The following ZNF708 variants were observed in gnomAD, a reference collection of about 807,000 sequenced individuals.
ZNF708 encodes the protein zinc finger protein 708.
ZNF708 carries 44 observed loss-of-function variants against 47.0 expected under a neutral mutation model. The observed-to-expected ratio is 0.94, with a 90% CI of 0.74 to 1.20. The LOEUF is 1.20. ZNF708 is among the 50% of genes most tolerant of loss of function. The pLI is 0.00. For synonymous variants in ZNF708, 184 were observed against 218.5 expected, an observed-to-expected ratio of 0.84 and a Z score of 1.39; for missense variants, 557 against 656.0, an observed-to-expected ratio of 0.85 and a Z score of 1.65.
chr19:21,323,834 C>A (rs1242550647), intron 1 of ZNF708, among the ~76,000 whole-genome samples: 2 of 152,180 alleles, frequency 1.3e-5, no homozygotes, highest in Non-Finnish European at 2.9e-5. Flanking sequence ...CCAGAAAAAA[C>A]TAACTGGGCC....
chr19:21,324,216 C>T (rs1973211944), intron 1 of ZNF708, among the ~76,000 whole-genome samples: 1 of 151,724 alleles, frequency 6.6e-6, no homozygotes, highest in African/African-American at 2.4e-5. Flanking sequence ...TGCACTCCAG[C>T]CTGGCTACAG....
intron 3 of ZNF708, among the ~76,000 whole-genome samples, chr19:21,304,264 T>G (rs1425071813): frequency 2.0e-5 from 3 of 151,888 alleles, no homozygotes; most frequent in Middle Eastern, 3.2e-3. Context: ...CCAGGTTTTT[T>G]TTTTTTTTTT....
At chr19:21,315,636 T>C (rs985720939) in intron 1 of ZNF708, among the ~76,000 whole-genome samples, 1 of 152,004 alleles carries the variant, frequency 6.6e-6, no homozygotes, top group Non-Finnish European at 1.5e-5. Flanking sequence ...GCAGTTACAA[T>C]TGGATTGGAA....
At chr19:21,308,202 C>T (rs1972824709) in intron 3 of ZNF708, among the ~76,000 whole-genome samples, 3 of 151,706 alleles carry the variant, frequency 2.0e-5, no homozygotes, top group African/African-American at 7.3e-5. Context: ...CAAGAAACTC[C>T]CTACCAAAAT....
intron 1 of ZNF708, among the ~76,000 whole-genome samples, chr19:21,321,724 A>AAGG (rs1973147280): frequency 1.6e-5 from 2 of 128,460 alleles, no homozygotes; most frequent in Non-Finnish European, 3.5e-5. Flanking sequence ...AGGAAGGAAG[A>AAGG]AAGAAAGGGA....
Position 21,292,001 on chromosome 19 carries a change from T to C in ZNF708, c.*1273A>G, listed in dbSNP as rs968821997. ...GGGATCATTTTTAACAGTCAGCACTTTGATATAGTGTAATGTCTGAAGCAT... is the reference window on the plus strand; with the variant it reads ...GGGATCATTTTTAACAGTCAGCACTCTGATATAGTGTAATGTCTGAAGCAT... On this transcript the variant is annotated 3_prime_UTR_variant, in exon 4 of 4. Coordinates refer to ENST00000356929, the MANE Select transcript of ZNF708 (RefSeq NM_021269.3). 6.6e-6 allele frequency: 1 copy of C among 152,130 alleles called. No individual in the cohort carries two copies. The highest frequency in any genetic ancestry group is 2.4e-5 in the African/African-American group (1 of 41,444). The allele number at this position is 152,130 out of a possible 1,614,324, so 9.4% of individuals were successfully genotyped here.
chr19:21,297,728 C>A (rs771574904), intron 3 of ZNF708, among the ~76,000 whole-genome samples: 3 of 151,646 alleles, frequency 2.0e-5, no homozygotes, highest in Non-Finnish European at 4.4e-5. Context: ...TGCCTTTTTG[C>A]AAGTCAGTTG....
At chr19:21,297,365 G>A (rs1261422320) in intron 3 of ZNF708, among the ~76,000 whole-genome samples, 13 of 138,016 alleles carry the variant, frequency 9.4e-5, no homozygotes, top group African/African-American at 2.9e-4. Context: ...TACATTTCCC[G>A]GATTCAAGCA....
At chr19:21,324,898 G>A (rs1973225568) in intron 1 of ZNF708, among the ~76,000 whole-genome samples, 1 of 151,816 alleles carries the variant, frequency 6.6e-6, no homozygotes, top group Non-Finnish European at 1.5e-5. Flanking sequence ...ATGTAACTCA[G>A]CAATTATCTA....
chr19:21,306,851 G>A (rs1020285912), intron 3 of ZNF708: 1 of 151,892 alleles, frequency 6.6e-6, no homozygotes. Context: ...GCTGAGGCAG[G>A]AGAAATCGCT....
chr19:21,297,244 GTATATATATATATATA>G (rs1555720500), intron 3 of ZNF708, among the ~76,000 whole-genome samples: 1 of 11,972 alleles, frequency 8.4e-5, no homozygotes, highest in Non-Finnish European at 2.1e-4. Flanking sequence ...TGCAAATAAG[GTATATATATATATATA>G]TATATATATA....
chr19:21,309,178 A>G (rs1252357529), intron 3 of ZNF708, 68 bp downstream of exon 3: 10 of 1,384,130 alleles, frequency 7.2e-6, no homozygotes, highest in Non-Finnish European at 9.7e-6. Flanking sequence ...TCAAATTTTA[A>G]GGACTGGTTT....
chr19:21,308,438 C>A (rs897096407), intron 3 of ZNF708, among the ~76,000 whole-genome samples: 2 of 152,124 alleles, frequency 1.3e-5, no homozygotes, highest in Admixed American at 6.6e-5. Flanking sequence ...CACCACCACA[C>A]CTGGCTAATT....
At chr19:21,326,479 A>G (rs935606668) in intron 1 of ZNF708, among the ~76,000 whole-genome samples, 1 of 152,200 alleles carries the variant, frequency 6.6e-6, no homozygotes, top group Non-Finnish European at 1.5e-5. Flanking sequence ...CAAACATGGT[A>G]TGTTCTGTTA....
At chr19:21,324,427 T>C (rs963927190) in intron 1 of ZNF708, among the ~76,000 whole-genome samples, 1 of 151,642 alleles carries the variant, frequency 6.6e-6, no homozygotes, top group African/African-American at 2.4e-5. Context: ...ATTAACCAGG[T>C]GTGGTGGTGC....
At chr19:21,327,238 G>A (rs982830764) in intron 1 of ZNF708, among the ~76,000 whole-genome samples, 3 of 151,860 alleles carry the variant, frequency 2.0e-5, no homozygotes, top group African/African-American at 4.8e-5. Context: ...TTAGAAAACA[G>A]ATGTGTCTAG....
chr19:21,303,634 GA>G (rs1372912902), intron 3 of ZNF708, among the ~76,000 whole-genome samples: 2 of 151,478 alleles, frequency 1.3e-5, no homozygotes, highest in African/African-American at 4.8e-5. Flanking sequence ...TGAGTAACTG[GA>G]AAAAAGCATA....
chr19:21,321,497 G>T (rs2145185002), intron 1 of ZNF708, among the ~76,000 whole-genome samples: 1 of 151,894 alleles, frequency 6.6e-6, no homozygotes, highest in East Asian at 2.0e-4. Flanking sequence ...CAGGAGAATC[G>T]CTTGAACCTG....
intron 3 of ZNF708, among the ~76,000 whole-genome samples, chr19:21,299,786 A>C (rs530901298): frequency 3.9e-5 from 6 of 152,196 alleles, no homozygotes; most frequent in Admixed American, 1.3e-4. Flanking sequence ...AAAAAAAAAA[A>C]AAATTGTTTT....
Sources: allele counts gnomAD v4.1 joint callset (sites outside exome capture counted in the v4.1 genomes callset), GRCh38; gene constraint gnomAD v4.1.1; transcripts MANE v1.5; gene names NCBI Gene and HGNC (gene_info 2026-07-23, HGNC 2026-07-21).